HNF1B: variants seen among roughly 807,000 people sequenced by gnomAD.
The protein encoded by HNF1B is HNF1 homeobox B, also known as hepatocyte nuclear factor 1-beta.
HNF1B carries 8 observed loss-of-function variants against 61.7 expected under a neutral mutation model. The observed-to-expected ratio is 0.13, with a 90% confidence interval of 0.08 to 0.23. HNF1B has a LOEUF of 0.23. Ranked by LOEUF, HNF1B falls within the 10% of genes least tolerant of loss-of-function variation. The probability of loss-of-function intolerance (pLI) is 1.00; values close to 1 mark genes in which losing one functional copy is unlikely to be tolerated. For missense variants in HNF1B, 562 were observed against 714.5 expected, an observed-to-expected ratio of 0.79 and a Z score of 2.43; for synonymous variants, 314 against 287.7, an observed-to-expected ratio of 1.09 and a Z score of -0.93.
rs1054268453 is a variant in HNF1B, at chr17:37,717,754, A to C, written c.1046-7091T>G. Among the ~76,000 whole-genome samples the C allele has an allele frequency of 3.9e-5, 6 of 152,342 alleles. No homozygotes were observed. In the South Asian group the frequency reaches 6.2e-4, roughly 16 times the overall value. ...AACAATTCCCTGGCTTGAAATTGAGAACTCCAGAAATGAAAGCTTTCGAAT... is the reference window on the plus strand; with the variant it reads ...AACAATTCCCTGGCTTGAAATTGAGCACTCCAGAAATGAAAGCTTTCGAAT... On this transcript the variant is annotated intron_variant, in intron 4 of 8. Transcript: ENST00000617811.
chr17:37,740,602 G>A lies in HNF1B; in HGVS notation c.345-963C>T, dbSNP rs371549208. Among the ~76,000 whole-genome samples, 19 of 151,828 alleles carry A rather than the reference G, an allele frequency of 1.3e-4. 1 individual carries two copies. The South Asian group carries it at 2.1e-3, about 17-fold the overall frequency. ...ATACAATGTTGTATCTCCTTGGGAC[G>A]GGAGGATCACACCACTGAGGTGAGG... On this transcript the variant is annotated intron_variant, in intron 1 of 8. Coordinates refer to ENST00000617811, the MANE Select transcript of HNF1B (RefSeq NM_000458.4).
intron 4 of HNF1B, among the ~76,000 whole-genome samples, chr17:37,722,002 T>C (rs1207298047): frequency 6.6e-6 from 1 of 152,170 alleles, no homozygotes; most frequent in Non-Finnish European, 1.5e-5. Context: ...TGTGAACCCC[T>C]CATCTCTCAA....
chr17:37,704,761 AT>A (rs2032684844), intron 6 of HNF1B, among the ~76,000 whole-genome samples, 155 bp downstream of exon 6: 1 of 152,212 alleles, frequency 6.6e-6, no homozygotes, highest in South Asian at 2.1e-4. Context: ...CAAATATTGG[AT>A]TTAAGGAGAC....
chr17:37,708,216 C>A (rs2032815075), intron 5 of HNF1B, among the ~76,000 whole-genome samples: 1 of 152,148 alleles, frequency 6.6e-6, no homozygotes, highest in Non-Finnish European at 1.5e-5. Context: ...CCGTGATGGA[C>A]ATGTTATTAT....
At chr17:37,724,490 G>A (rs928122991) in intron 4 of HNF1B, among the ~76,000 whole-genome samples, 1 of 152,110 alleles carries the variant, frequency 6.6e-6, no homozygotes, top group African/African-American at 2.4e-5. Context: ...CAGCAAACTG[G>A]TCTGTTGGCC....
intron 4 of HNF1B, among the ~76,000 whole-genome samples, chr17:37,722,920 G>A (rs747448230): frequency 6.6e-6 from 1 of 151,588 alleles, no homozygotes; most frequent in African/African-American, 2.4e-5. Flanking sequence ...GACGTTTGGG[G>A]GCCATTAAGC....
At chr17:37,742,968 T>G (rs1477307073) in intron 1 of HNF1B, among the ~76,000 whole-genome samples, 3 of 144,676 alleles carry the variant, frequency 2.1e-5, no homozygotes, top group Non-Finnish European at 4.5e-5. Flanking sequence ...CCGCCTCTCT[T>G]TTCAACCTAA....
intron 8 of HNF1B, among the ~76,000 whole-genome samples, chr17:37,695,603 G>C (rs1267377119): frequency 6.6e-6 from 1 of 152,230 alleles, no homozygotes; most frequent in Non-Finnish European, 1.5e-5. Context: ...AAAGCCACAG[G>C]AACAGAGCTG....
intron 2 of HNF1B, among the ~76,000 whole-genome samples, chr17:37,738,998 T>A (rs1026868560): frequency 2.0e-5 from 3 of 152,218 alleles, no homozygotes; most frequent in African/African-American, 7.2e-5. Context: ...TTGTTGATAC[T>A]TTTTCCAGAG....
In HNF1B at chr17:37,745,048, C is replaced by G. The variant is rs2147601606; in HGVS notation, c.-164G>C. ...TCCCGGAGGCTCCTCCGAAAGGAGT[C>G]AGAAAACTTCTAACTTGCCATGATC... On this transcript the variant is annotated 5_prime_UTR_variant, in exon 1 of 9. Transcript: ENST00000617811. 1 of 630,364 alleles carries G rather than the reference C, an allele frequency of 1.6e-6. No homozygotes were observed. The highest frequency in any genetic ancestry group is 2.0e-5 in the South Asian group (1 of 51,110). 39.0% of individuals were successfully genotyped at this position (630,364 alleles called of 1,614,324 possible).
At chr17:37,740,208 A>T (rs997608388) in intron 1 of HNF1B, among the ~76,000 whole-genome samples, 9 of 152,122 alleles carry the variant, frequency 5.9e-5, no homozygotes, top group African/African-American at 2.2e-4. Flanking sequence ...ACCTTAGGTG[A>T]TCCATCTGCC....
chr17:37,715,763 T>C (rs1218962543), intron 4 of HNF1B, among the ~76,000 whole-genome samples: 3 of 152,252 alleles, frequency 2.0e-5, no homozygotes, highest in East Asian at 1.9e-4. Flanking sequence ...TTTACTATTG[T>C]ATAGCATTGA....
At chr17:37,716,168 C>A (rs563224807) in intron 4 of HNF1B, among the ~76,000 whole-genome samples, 1 of 152,130 alleles carries the variant, frequency 6.6e-6, no homozygotes, top group African/African-American at 2.4e-5. Flanking sequence ...CAAAATGTGT[C>A]GCTGAGGAAG....
intron 4 of HNF1B, among the ~76,000 whole-genome samples, chr17:37,713,214 C>T (rs1050928711): frequency 6.6e-6 from 1 of 152,148 alleles, no homozygotes; most frequent in South Asian, 2.1e-4. Context: ...CAGCCTGTCC[C>T]CATCATCGAT....
Position 37,692,169 on chromosome 17 carries a change from G to A in HNF1B, c.1654-4777C>T, listed in dbSNP as rs550322585. 3.0e-3 allele frequency among the ~76,000 whole-genome samples: 463 copies of A among 151,992 alleles called. 1 individual carries two copies. The highest frequency in any genetic ancestry group is 0.011 in the African/African-American group (442 of 41,222). ...GGGACAGATGGCAGTAGATGCAGAA[G>A]GATTCTTGGCGCGAGAAGTCCCAGC... On this transcript the variant is annotated intron_variant, in intron 8 of 8. Transcript: ENST00000617811.
chr17:37,697,290 C>T (rs779957420), intron 8 of HNF1B, among the ~76,000 whole-genome samples: 2 of 152,140 alleles, frequency 1.3e-5, no homozygotes, highest in East Asian at 1.9e-4. Context: ...TCCTCATCAT[C>T]GCAGAAATGA....
At chr17:37,704,214 C>CATGT (rs2032664740) in intron 6 of HNF1B, among the ~76,000 whole-genome samples, 1 of 152,202 alleles carries the variant, frequency 6.6e-6, no homozygotes, top group Admixed American at 6.5e-5. Context: ...CAAGATGGCC[C>CATGT]ATGTATGGGA....
chr17:37,715,826 A>G (rs1273403151), intron 4 of HNF1B, among the ~76,000 whole-genome samples: 1 of 152,064 alleles, frequency 6.6e-6, no homozygotes, highest in Non-Finnish European at 1.5e-5. Context: ...TTTTTATTGG[A>G]TTCTTATCTT....
At chr17:37,733,498 G>A (rs1412972624) in intron 3 of HNF1B, 59 bp downstream of exon 3, 2 of 1,592,468 alleles carry the variant, frequency 1.3e-6, no homozygotes, top group African/African-American at 2.7e-5. Context: ...GGACCGAGGG[G>A]AGGGTTCCTG....
Sources: allele counts gnomAD v4.1 joint callset (sites outside exome capture counted in the v4.1 genomes callset), GRCh38; gene constraint gnomAD v4.1.1; transcripts MANE v1.5; gene names NCBI Gene and HGNC (gene_info 2026-07-23, HGNC 2026-07-21).